CFAP54: variants seen among roughly 807,000 people sequenced by gnomAD.
CFAP54 encodes the protein cilia- and flagella-associated protein 54.
CFAP54 carries 290 observed loss-of-function variants against 370.4 expected under a neutral mutation model. The ratio of observed to expected loss-of-function variants is 0.78; its 90% CI spans 0.71 to 0.86. The LOEUF (loss-of-function observed/expected upper bound fraction) is 0.86, where lower values mean the gene tolerates loss of function less well. CFAP54 is among the 40% of genes least tolerant of loss of function. The pLI, the probability that CFAP54 is intolerant of heterozygous loss-of-function variation, is 0.00. For synonymous variants in CFAP54, 1,206 were observed against 1,236.5 expected (o/e 0.98, Z 0.52); for missense variants, 3,399 against 3,528.7 (o/e 0.96, Z 0.93).
intron 33 of CFAP54, chr12:96,645,363 A>T: frequency 3.4e-6 from 1 of 297,308 alleles, no homozygotes; most frequent in East Asian, 7.9e-5. Flanking sequence ...CTTCAAAGAG[A>T]ATAAAATACC....
At chr12:96,548,923 T>C (rs919446737) in intron 15 of CFAP54, among the ~76,000 whole-genome samples, 4 of 151,932 alleles carry the variant, frequency 2.6e-5, no homozygotes, top group African/African-American at 9.7e-5. Context: ...GGCGCACTCT[T>C]GGCTCACTGC....
intron 66 of CFAP54, among the ~76,000 whole-genome samples, chr12:96,838,143 G>T (rs534031241): frequency 1.3e-4 from 20 of 152,118 alleles, no homozygotes; most frequent in Non-Finnish European, 2.8e-4. Context: ...AGCATTTTCC[G>T]CTGATTAGGA....
At chr12:96,719,067 TCATTATTTGGTGGGA>T (rs1355258571) in intron 49 of CFAP54, among the ~76,000 whole-genome samples, 2 of 152,048 alleles carry the variant, frequency 1.3e-5, no homozygotes, top group East Asian at 3.8e-4. Flanking sequence ...GAAACATGAT[TCATTATTTGGTGGGA>T]TATGAGTATT....
At chr12:96,645,925 CT>C in intron 33 of CFAP54, 1 of 152,280 alleles carries the variant, frequency 6.6e-6, no homozygotes, top group East Asian at 1.9e-4. Flanking sequence ...GGATCCCTTC[CT>C]TACACCTTAT....
At chr12:96,858,291 G>A (rs1959769144) in intron 66 of CFAP54, among the ~76,000 whole-genome samples, 1 of 152,174 alleles carries the variant, frequency 6.6e-6, no homozygotes, top group African/African-American at 2.4e-5. Context: ...GTGCATGTAT[G>A]TCTTCTTTTG....
chr12:96,743,023 G>A (rs185876246), intron 52 of CFAP54, among the ~76,000 whole-genome samples: 9 of 152,192 alleles, frequency 5.9e-5, no homozygotes, highest in East Asian at 5.8e-4. Context: ...TACTTTATAG[G>A]ATTATTGTCA....
At chr12:96,512,775 C>T (rs549229058) in intron 4 of CFAP54, among the ~76,000 whole-genome samples, 3 of 152,272 alleles carry the variant, frequency 2.0e-5, no homozygotes, top group South Asian at 4.1e-4. Flanking sequence ...CCTGTGTCAA[C>T]ATATTTAAAA....
At chr12:96,575,721 C>G (rs1955968375) in intron 19 of CFAP54, among the ~76,000 whole-genome samples, 1 of 152,070 alleles carries the variant, frequency 6.6e-6, no homozygotes, top group East Asian at 1.9e-4. Flanking sequence ...GCTCTTACAT[C>G]TGAATGCATA....
chr12:96,489,603 C>T lies in CFAP54; in HGVS notation c.-7C>T, dbSNP rs1363542587. 21 of 1,512,228 alleles carry T rather than the reference C, an allele frequency of 1.4e-5. No homozygotes were observed. Among genetic ancestry groups the T allele is most frequent in the Non-Finnish European group, 1.9e-5 (21 of 1,130,534 alleles). The allele number at this position is 1,512,228 out of a possible 1,614,324, so 93.7% of individuals were successfully genotyped here. Reference sequence around the variant, plus strand: ...CACATACTCCAGGCGGGCCGGGGCGCGTCAATATGGCGGCGCAGGGCTCCC... The same window carrying T: ...CACATACTCCAGGCGGGCCGGGGCGTGTCAATATGGCGGCGCAGGGCTCCC... On this transcript the variant is annotated 5_prime_UTR_variant, in exon 1 of 68. Transcript: ENST00000524981.
chr12:96,544,407 AAT>A (rs1433028692), intron 14 of CFAP54, among the ~76,000 whole-genome samples: 111 of 130,398 alleles, frequency 8.5e-4, no homozygotes, highest in African/African-American at 2.7e-3. Flanking sequence ...CAGAAAACAG[AAT>A]ATCTCTCTCT....
chr12:96,524,836 A>G (rs758846794), intron 8 of CFAP54, among the ~76,000 whole-genome samples: 1 of 152,222 alleles, frequency 6.6e-6, no homozygotes, highest in Non-Finnish European at 1.5e-5. Flanking sequence ...TTTAAATAAG[A>G]TAATATATCC....
rs531129761 is a variant in CFAP54 at position 96,860,649 on chromosome 12, T to C, written c.9172-170T>C. ...CTGTTTAATAGGATGTAGAATGATA[T>C]GTGTGCCATTTCAGCAGTTTAGAGG... On this transcript the variant is annotated intron_variant, in intron 66 of 67. Coordinates refer to ENST00000524981, the MANE Select transcript of CFAP54 (RefSeq NM_001306084.2). 7.2e-5 allele frequency among the ~76,000 whole-genome samples: 11 copies of C among 152,360 alleles called. No individual in the cohort carries two copies. In the South Asian group the frequency reaches 1.9e-3, roughly 26 times the overall value.
At chr12:96,712,265 A>G (rs1565950735) in intron 48 of CFAP54, among the ~76,000 whole-genome samples, 1 of 152,150 alleles carries the variant, frequency 6.6e-6, no homozygotes, top group Non-Finnish European at 1.5e-5. Flanking sequence ...TTGTAAGTTT[A>G]GATGAATAGC....
At chr12:96,630,318 C>G (rs1208710229) in intron 31 of CFAP54, 114 bp downstream of exon 31, 5 of 594,380 alleles carry the variant, frequency 8.4e-6, no homozygotes, top group Non-Finnish European at 1.4e-5. Flanking sequence ...GATATACTAA[C>G]AAGCATAATT....
intron 19 of CFAP54, among the ~76,000 whole-genome samples, chr12:96,570,923 T>G (rs1955911516): frequency 6.6e-6 from 1 of 152,214 alleles, no homozygotes; most frequent in Non-Finnish European, 1.5e-5. Flanking sequence ...TCTTATTACT[T>G]GTATATTTTA....
In CFAP54 at chr12:96,540,937, A is replaced by G. The variant is rs926308399; in HGVS notation, c.2027A>G (p.Glu676Gly). 6.6e-7 allele frequency: 1 copy of G among 1,519,344 alleles called. No individual in the cohort carries two copies. The highest frequency in any genetic ancestry group is 1.4e-5 in the African/African-American group (1 of 72,536). The allele number at this position is 1,519,344 out of a possible 1,614,324, so 94.1% of individuals were successfully genotyped here. ...VVAEVTLRLS[E>G]ILESLGSPGR... ...GCAGAAGTCACATTACGGTTAAGTGAAATATTGGAATCTTTAGGAAGCCCA... is the reference window on the plus strand; with the variant it reads ...GCAGAAGTCACATTACGGTTAAGTGGAATATTGGAATCTTTAGGAAGCCCA... Residue 676 changes from glutamate to glycine, a missense_variant, in exon 14 of 68, where the codon GAA becomes GGA. Coordinates refer to ENST00000524981, the MANE Select transcript of CFAP54 (RefSeq NM_001306084.2).
At chr12:96,631,794 ATTCT>A (rs1467041827) in intron 32 of CFAP54, among the ~76,000 whole-genome samples, 2 of 151,262 alleles carry the variant, frequency 1.3e-5, no homozygotes, top group African/African-American at 4.8e-5. Flanking sequence ...AAACATTTAA[ATTCT>A]TTCTAACTTT....
intron 55 of CFAP54, among the ~76,000 whole-genome samples, chr12:96,749,386 A>G (rs1169321853): frequency 6.6e-6 from 1 of 152,242 alleles, no homozygotes; most frequent in Non-Finnish European, 1.5e-5. Flanking sequence ...CTCTAATAAC[A>G]TCATGTGGGG....
In CFAP54 at chr12:96,547,965, T is replaced by C. The variant is rs540516499; in HGVS notation, c.2141T>C (p.Leu714Pro). 2 of 1,480,102 alleles carry C rather than the reference T, an allele frequency of 1.4e-6. No homozygotes were observed. Among genetic ancestry groups the C allele is most frequent in the East Asian group, 5.2e-5 (2 of 38,686 alleles). 91.7% of individuals were successfully genotyped at this position (1,480,102 alleles called of 1,614,324 possible). A position where few individuals can be genotyped will look rare whatever the true frequency, so the allele number is the denominator to read the frequency against. Residue 714 changes from leucine to proline, a missense_variant, in exon 15 of 68, where the codon CTT (leucine) becomes CCT (proline). By Grantham distance (98) the Leu-to-Pro change is moderately conservative. Around this residue, in one of 3 missense-constraint regions of CFAP54, gnomAD observed 2,796 missense variants for 2,869.7 expected, o/e 0.97. Transcript: ENST00000524981. ...PGAPKGITEI[L>P]PILQKNPVEQ... ...GCTCCAAAAGGGATCACAGAAATTC[T>C]TCCAATATTACAGGTATTACTACAT... is the stretch of plus-strand genomic sequence containing the variant.
Sources: gnomAD v4.1 joint callset for allele counts (sites outside exome capture counted in the v4.1 genomes callset) on GRCh38, gnomAD v4.1.1 for gene constraint, gnomAD v4.1.1 regional missense constraint, MANE v1.5 for transcripts, NCBI Gene and HGNC (gene_info 2026-07-23, HGNC 2026-07-21) for gene names.